Variants in ELAVL2 observed in about 807,000 individuals in gnomAD.
ELAVL2 encodes ELAV-like protein 2.
ELAVL2 carries 4 observed loss-of-function variants against 34.6 expected under a neutral mutation model. The ratio of observed to expected loss-of-function variants is 0.12; its 90% CI spans 0.06 to 0.26. The LOEUF (loss-of-function observed/expected upper bound fraction) is 0.26, where lower values mean the gene tolerates loss of function less well. Ranked by LOEUF, ELAVL2 falls within the 10% of genes least tolerant of loss-of-function variation. The probability of loss-of-function intolerance (pLI) is 1.00; values close to 1 mark genes in which losing one functional copy is unlikely to be tolerated. For synonymous variants in ELAVL2, 193 were observed against 154.8 expected (o/e 1.25, Z -1.83); for missense variants, 432 against 442.8 (o/e 0.98, Z 0.22).
At chr9:23,815,747 G>A (rs1182719052) in intron 1 of ELAVL2, among the ~76,000 whole-genome samples, 1 of 152,122 alleles carries the variant, frequency 6.6e-6, no homozygotes, top group African/African-American at 2.4e-5. Flanking sequence ...TTTTCCACCT[G>A]GCTGTGCTAA....
intron 3 of ELAVL2, among the ~76,000 whole-genome samples, chr9:23,721,996 G>A (rs546052990): frequency 4.8e-4 from 73 of 152,116 alleles, no homozygotes; most frequent in Admixed American, 4.0e-3. Flanking sequence ...CATAGCCCCC[G>A]AATTGTTCAA....
chr9:23,798,707 A>G (rs1342982711), intron 1 of ELAVL2, among the ~76,000 whole-genome samples: 2 of 152,082 alleles, frequency 1.3e-5, no homozygotes, highest in Non-Finnish European at 2.9e-5. Flanking sequence ...TTCTGTTCCT[A>G]TCCTTCAAAA....
At chr9:23,820,193 A>C (rs2064355275) in intron 1 of ELAVL2, among the ~76,000 whole-genome samples, 1 of 152,174 alleles carries the variant, frequency 6.6e-6, no homozygotes, top group Non-Finnish European at 1.5e-5. Context: ...TTTCAAACAA[A>C]CAGATTTTAC....
chr9:23,786,218 C>T (rs2059660269), intron 1 of ELAVL2, among the ~76,000 whole-genome samples: 1 of 152,152 alleles, frequency 6.6e-6, no homozygotes, highest in Non-Finnish European at 1.5e-5. Flanking sequence ...AGCTGTTTAA[C>T]ATACCAGGAA....
At chr9:23,816,568 C>T (rs2063751219) in intron 1 of ELAVL2, among the ~76,000 whole-genome samples, 1 of 152,100 alleles carries the variant, frequency 6.6e-6, no homozygotes, top group South Asian at 2.1e-4. Context: ...TTAAATCTAT[C>T]ACTACAGATG....
At chr9:23,759,199 A>C (rs1489561589) in intron 2 of ELAVL2, among the ~76,000 whole-genome samples, 3 of 152,100 alleles carry the variant, frequency 2.0e-5, no homozygotes, top group Non-Finnish European at 4.4e-5. Flanking sequence ...TGGATAAAGA[A>C]AATATGCTAT....
At chr9:23,803,251 T>C (rs1045802772) in intron 1 of ELAVL2, among the ~76,000 whole-genome samples, 1 of 152,228 alleles carries the variant, frequency 6.6e-6, no homozygotes, top group African/African-American at 2.4e-5. Flanking sequence ...GTAAAATTTT[T>C]ACATAAACAT....
chr9:23,820,756 T>C (rs1588842817), intron 1 of ELAVL2, among the ~76,000 whole-genome samples: 1 of 152,116 alleles, frequency 6.6e-6, no homozygotes, highest in Admixed American at 6.5e-5. Context: ...CGGCCGCCGC[T>C]GGCAGGCCCT....
chr9:23,755,473 T>C (rs1035019089), intron 2 of ELAVL2, among the ~76,000 whole-genome samples: 3 of 152,246 alleles, frequency 2.0e-5, no homozygotes, highest in East Asian at 1.9e-4. Context: ...TGCAAGACCT[T>C]TGGCAAAGAA....
chr9:23,807,996 A>T (rs530220214), intron 1 of ELAVL2, among the ~76,000 whole-genome samples: 1 of 152,320 alleles, frequency 6.6e-6, no homozygotes, highest in East Asian at 1.9e-4. Context: ...TCTCGTAAAA[A>T]ATATAAAAAG....
intron 2 of ELAVL2, among the ~76,000 whole-genome samples, chr9:23,754,000 T>A (rs2052858492): frequency 6.6e-6 from 1 of 152,006 alleles, no homozygotes; most frequent in Non-Finnish European, 1.5e-5. Flanking sequence ...ATTCTAAAAG[T>A]TCCTCTGATA....
intron 5 of ELAVL2, among the ~76,000 whole-genome samples, chr9:23,699,725 T>C (rs1395638557): frequency 6.6e-6 from 1 of 150,844 alleles, no homozygotes; most frequent in Non-Finnish European, 1.5e-5. Flanking sequence ...GAGACTTCTT[T>C]CTCCACAAAG....
In ELAVL2 at chr9:23,764,318, A is replaced by C. The variant is rs147276660; in HGVS notation, c.-15-2069T>G. The stretch of plus-strand genomic sequence containing the variant: ...TGACTGAAATCAGCAAGATTTAGAA[A>C]GGACAACAAACACTCCTCACTTAAT... On this transcript the variant is annotated intron_variant, in intron 1 of 6. Transcript: ENST00000397312. Among the ~76,000 whole-genome samples, 25 of 152,334 alleles carry C rather than the reference A, an allele frequency of 1.6e-4. No individual in the cohort carries two copies. The East Asian group carries it at 4.4e-3, about 27-fold the overall frequency.
intron 2 of ELAVL2, among the ~76,000 whole-genome samples, chr9:23,735,769 C>CA (rs2047741030): frequency 6.6e-6 from 1 of 152,246 alleles, no homozygotes; most frequent in African/African-American, 2.4e-5. Flanking sequence ...ACAAGGAGAA[C>CA]AGTTATAAAC....
At position 23,821,756 on chromosome 9, in the gene ELAVL2, C is replaced by CCCGCGCCGGGCCGCGCCGCG. The variant is rs1554771039; in HGVS notation, c.-16+4049_-16+4050insCGCGGCGCGGCCCGGCGCGG. 3 of 151,134 alleles carry CCCGCGCCGGGCCGCGCCGCG rather than the reference C, an allele frequency of 2.0e-5. No homozygotes were observed. The East Asian group carries it at 6.0e-4, about 30-fold the overall frequency. 9.4% of individuals were successfully genotyped at this position (151,134 alleles called of 1,614,324 possible). On this transcript the variant is annotated intron_variant, in intron 1 of 6. Coordinates refer to ENST00000397312, the MANE Select transcript of ELAVL2 (RefSeq NM_004432.5). ...GGAAGCCGGCGGAACCCCCGCCCCA[C>CCCGCGCCGGGCCGCGCCGCG]CCGCGCCGCGCCGCGCCGCGCCGGC...
intron 4 of ELAVL2, among the ~76,000 whole-genome samples, chr9:23,702,977 A>AAAAAAAAAAAC (rs1563957766): frequency 1.5e-5 from 2 of 132,472 alleles, no homozygotes; most frequent in Admixed American, 7.2e-5. Flanking sequence ...AAAAAAAAAA[A>AAAAAAAAAAAC]AAAACAGCCT....
intron 5 of ELAVL2, among the ~76,000 whole-genome samples, chr9:23,695,187 A>G (rs2034705705): frequency 6.6e-6 from 1 of 152,194 alleles, no homozygotes; most frequent in Non-Finnish European, 1.5e-5. Flanking sequence ...AGCACCACCA[A>G]TCATAAAGTA....
intron 3 of ELAVL2, among the ~76,000 whole-genome samples, chr9:23,720,660 TA>T (rs1363875828): frequency 6.6e-6 from 1 of 152,202 alleles, no homozygotes; most frequent in Admixed American, 6.5e-5. Context: ...CTATATTCAT[TA>T]AAAACACATT....
At chr9:23,804,319 A>G (rs2061945827) in intron 1 of ELAVL2, among the ~76,000 whole-genome samples, 1 of 152,136 alleles carries the variant, frequency 6.6e-6, no homozygotes, top group Admixed American at 6.5e-5. Context: ...TCTACACCTG[A>G]GAGGTTAACA....
Sources: gnomAD v4.1 joint callset for allele counts (sites outside exome capture counted in the v4.1 genomes callset) on GRCh38, gnomAD v4.1.1 for gene constraint, MANE v1.5 for transcripts, NCBI Gene and HGNC (gene_info 2026-07-23, HGNC 2026-07-21) for gene names.